The following SLC25A21 variants were observed in gnomAD, a reference collection of about 807,000 sequenced individuals.
SLC25A21 encodes mitochondrial 2-oxodicarboxylate carrier.
In SLC25A21, 47 loss-of-function variants were observed where a neutral mutation model predicts 43.8. That is an observed-to-expected ratio of 1.07 (90% CI 0.85 to 1.37). The LOEUF is 1.37. SLC25A21 is among the 40% of genes most tolerant of loss of function. The pLI is 0.00. For synonymous variants in SLC25A21, 131 were observed against 121.3 expected (o/e 1.08, Z -0.52); for missense variants, 352 against 350.2 (o/e 1.00, Z -0.04).
At chr14:36,747,454 TGTTA>T (rs1449977060) in intron 3 of SLC25A21, among the ~76,000 whole-genome samples, 1 of 152,216 alleles carries the variant, frequency 6.6e-6, no homozygotes, top group African/African-American at 2.4e-5. Context: ...AGTACATTGT[TGTTA>T]GTTGCCTGAT....
intron 2 of SLC25A21, among the ~76,000 whole-genome samples, chr14:36,873,249 A>G (rs848034): frequency 0.86 from 130,703 of 152,130 alleles, 56,840 homozygotes; most frequent in Non-Finnish European, 0.93. Flanking sequence ...CGCATACCTT[A>G]CATTTGAATA....
At chr14:37,149,704 C>T (rs1294348867) in intron 1 of SLC25A21, among the ~76,000 whole-genome samples, 1 of 151,918 alleles carries the variant, frequency 6.6e-6, no homozygotes, top group Admixed American at 6.6e-5. Flanking sequence ...GAGCAAGACT[C>T]AAAAAATAAA....
chr14:36,934,899 C>T (rs1385305878), intron 1 of SLC25A21, among the ~76,000 whole-genome samples: 2 of 152,004 alleles, frequency 1.3e-5, no homozygotes, highest in Non-Finnish European at 2.9e-5. Flanking sequence ...TCATGAGTTT[C>T]ATTCCACTAG....
At chr14:36,888,369 G>C (rs1432238833) in intron 1 of SLC25A21, among the ~76,000 whole-genome samples, 2 of 152,038 alleles carry the variant, frequency 1.3e-5, no homozygotes, top group Admixed American at 6.6e-5. Context: ...TCCTTAGAAA[G>C]TGATATTCAA....
chr14:37,031,373 C>A (rs909803378), intron 1 of SLC25A21, among the ~76,000 whole-genome samples: 1 of 152,140 alleles, frequency 6.6e-6, no homozygotes, highest in African/African-American at 2.4e-5. Flanking sequence ...CAAAGTAAAT[C>A]TTTACTTCAA....
At chr14:36,933,308 C>T (rs1021622302) in intron 1 of SLC25A21, among the ~76,000 whole-genome samples, 3 of 152,064 alleles carry the variant, frequency 2.0e-5, no homozygotes, top group Non-Finnish European at 4.4e-5. Context: ...AATCTTCTTT[C>T]GATTGCAGTT....
At chr14:37,100,363 C>T (rs1962794157) in intron 1 of SLC25A21, among the ~76,000 whole-genome samples, 1 of 151,810 alleles carries the variant, frequency 6.6e-6, no homozygotes, top group South Asian at 2.1e-4. Flanking sequence ...TGGCTGCCAC[C>T]ACCTCTAGGA....
intron 1 of SLC25A21, among the ~76,000 whole-genome samples, chr14:36,964,755 A>G (rs1196261132): frequency 6.6e-6 from 1 of 152,178 alleles, no homozygotes; most frequent in African/African-American, 2.4e-5. Flanking sequence ...ACTCACCCAG[A>G]ACTATAATTT....
intron 1 of SLC25A21, among the ~76,000 whole-genome samples, chr14:36,917,277 C>T (rs984451987): frequency 1.3e-5 from 2 of 152,066 alleles, no homozygotes; most frequent in African/African-American, 4.8e-5. Flanking sequence ...CCTCTTTCTC[C>T]TAAGTGAGCC....
At chr14:37,086,104 C>CAA (rs913421342) in intron 1 of SLC25A21, among the ~76,000 whole-genome samples, 1 of 146,910 alleles carries the variant, frequency 6.8e-6, no homozygotes, top group African/African-American at 2.5e-5. Flanking sequence ...GGCTCCGTCT[C>CAA]AAAAAAAAAA....
intron 1 of SLC25A21, among the ~76,000 whole-genome samples, chr14:37,133,701 T>C (rs1053191600): frequency 6.6e-6 from 1 of 151,756 alleles, no homozygotes; most frequent in Non-Finnish European, 1.5e-5. Context: ...CTCCTTCCCC[T>C]CCTCCAGACC....
At chr14:36,872,681 C>T (rs1190306834) in intron 2 of SLC25A21, among the ~76,000 whole-genome samples, 1 of 152,188 alleles carries the variant, frequency 6.6e-6, no homozygotes, top group Admixed American at 6.5e-5. Context: ...CTTCGGAGCA[C>T]CTGGAAGGAC....
chr14:37,146,287 G>A (rs1446156385), intron 1 of SLC25A21, among the ~76,000 whole-genome samples: 3 of 152,070 alleles, frequency 2.0e-5, no homozygotes, highest in African/African-American at 7.2e-5. Context: ...TTGTGTGTGT[G>A]TGACAGTATA....
intron 1 of SLC25A21, among the ~76,000 whole-genome samples, chr14:36,938,506 T>G (rs1332040523): frequency 6.6e-6 from 1 of 152,130 alleles, no homozygotes; most frequent in Non-Finnish European, 1.5e-5. Flanking sequence ...TGTTACGGCC[T>G]TCTAAGTCTG....
At chr14:36,699,943 G>A (rs1323814959) in intron 7 of SLC25A21, among the ~76,000 whole-genome samples, 1 of 152,108 alleles carries the variant, frequency 6.6e-6, no homozygotes, top group Non-Finnish European at 1.5e-5. Flanking sequence ...TTCACCCTCC[G>A]TGGGCTGCAC....
intron 4 of SLC25A21, among the ~76,000 whole-genome samples, chr14:36,732,148 CTTTG>C (rs1884851783): frequency 6.6e-6 from 1 of 151,850 alleles, no homozygotes; most frequent in African/African-American, 2.4e-5. Flanking sequence ...ATGTATATTT[CTTTG>C]TTTCTTTCTT....
intron 1 of SLC25A21, among the ~76,000 whole-genome samples, chr14:36,946,958 C>G (rs961061870): frequency 2.0e-5 from 3 of 152,262 alleles, no homozygotes; most frequent in African/African-American, 7.2e-5. Flanking sequence ...CACTATTTAT[C>G]TTTAGTAATA....
At chr14:36,828,745 C>T (rs934225438) in intron 2 of SLC25A21, 1 of 152,398 alleles carries the variant, frequency 6.6e-6, no homozygotes, top group African/African-American at 2.4e-5. Flanking sequence ...TCCTGGTCCT[C>T]GTTCTTCCTG....
At chr14:36,929,175 A>G (rs1566746247) in intron 1 of SLC25A21, among the ~76,000 whole-genome samples, 1 of 152,190 alleles carries the variant, frequency 6.6e-6, no homozygotes, top group Non-Finnish European at 1.5e-5. Context: ...CTGAACAACA[A>G]AGCACATACT....
Sources: gnomAD v4.1 joint callset for allele counts (sites outside exome capture counted in the v4.1 genomes callset) on GRCh38, gnomAD v4.1.1 for gene constraint, MANE v1.5 for transcripts, NCBI Gene and HGNC (gene_info 2026-07-23, HGNC 2026-07-21) for gene names.